Variants in PTPRN2 observed in about 807,000 individuals in gnomAD.
PTPRN2 encodes the protein receptor-type tyrosine-protein phosphatase N2.
Under a neutral mutation model 118.8 loss-of-function variants are expected in PTPRN2, and 74 were observed. The observed-to-expected ratio is 0.62, with a 90% CI of 0.52 to 0.76. PTPRN2 has a LOEUF of 0.76. Ranked by LOEUF, PTPRN2 falls within the 30% of genes least tolerant of loss-of-function variation. The pLI is 0.00. For missense variants in PTPRN2, 1,481 were observed against 1,394.4 expected (o/e 1.06, Z -0.99); for synonymous variants, 641 against 608.0 (o/e 1.05, Z -0.80).
intron 21 of PTPRN2, among the ~76,000 whole-genome samples, chr7:157,567,911 A>T (rs1799568650): frequency 6.6e-6 from 1 of 151,780 alleles, no homozygotes; most frequent in South Asian, 2.1e-4. Flanking sequence ...ACTCCTTGGG[A>T]CCTCTCCATG....
chr7:157,828,272 G>A (rs1280205323), intron 12 of PTPRN2, among the ~76,000 whole-genome samples: 1 of 152,216 alleles, frequency 6.6e-6, no homozygotes, highest in African/African-American at 2.4e-5. Flanking sequence ...GCTGTAGGCT[G>A]TAGACAGACT....
chr7:157,896,077 G>A (rs1176700178), intron 12 of PTPRN2, among the ~76,000 whole-genome samples: 23 of 142,852 alleles, frequency 1.6e-4, no homozygotes, highest in Admixed American at 2.8e-4. Context: ...GGTGCCCAGG[G>A]GAGGACGGGA....
At chr7:157,561,555 G>A (rs1799193516) in intron 21 of PTPRN2, among the ~76,000 whole-genome samples, 2 of 152,218 alleles carry the variant, frequency 1.3e-5, no homozygotes, top group African/African-American at 4.8e-5. Flanking sequence ...AGACTGAGCA[G>A]GGTTCTGCAT....
chr7:157,735,757 C>T (rs1042886139), intron 12 of PTPRN2, among the ~76,000 whole-genome samples: 3 of 152,134 alleles, frequency 2.0e-5, no homozygotes, highest in Non-Finnish European at 2.9e-5. Context: ...GGAGACGCTC[C>T]GCAAATGTGG....
intron 12 of PTPRN2, among the ~76,000 whole-genome samples, chr7:157,760,287 G>A (rs965258712): frequency 6.6e-6 from 1 of 152,024 alleles, no homozygotes; most frequent in Non-Finnish European, 1.5e-5. Context: ...GCTCCCAGGA[G>A]TGTGACCCAG....
chr7:158,400,578 CA>C (rs1812858971), intron 2 of PTPRN2, among the ~76,000 whole-genome samples: 1 of 152,190 alleles, frequency 6.6e-6, no homozygotes, highest in Admixed American at 6.5e-5. Flanking sequence ...AACAAGAACA[CA>C]AGATGCGCTT....
intron 9 of PTPRN2, among the ~76,000 whole-genome samples, chr7:158,112,494 G>A (rs1192686546): frequency 6.6e-6 from 1 of 152,226 alleles, no homozygotes; most frequent in Non-Finnish European, 1.5e-5. Flanking sequence ...GGCCACCACG[G>A]CTGTCCGGTG....
intron 2 of PTPRN2, among the ~76,000 whole-genome samples, chr7:158,334,602 C>G (rs1229395985): frequency 9.1e-6 from 1 of 109,796 alleles, no homozygotes; most frequent in Non-Finnish European, 2.1e-5. Flanking sequence ...CACACTCTCA[C>G]CATAAGAGCC....
chr7:157,971,483 A>G (rs1802326536), intron 11 of PTPRN2, among the ~76,000 whole-genome samples: 1 of 152,108 alleles, frequency 6.6e-6, no homozygotes, highest in Admixed American at 6.5e-5. Flanking sequence ...ATCGTTATTA[A>G]TTTCTTTGGT....
intron 6 of PTPRN2, among the ~76,000 whole-genome samples, chr7:158,151,996 AC>A: frequency 6.6e-6 from 1 of 151,872 alleles, no homozygotes; most frequent in African/African-American, 2.4e-5. Context: ...ACATGGTGAA[AC>A]CCCGTCTCTA....
chr7:158,441,094 TAG>T (rs1563295842), intron 2 of PTPRN2, among the ~76,000 whole-genome samples: 9 of 144,308 alleles, frequency 6.2e-5, no homozygotes, highest in African/African-American at 2.2e-4. Context: ...GTGGTAGTGA[TAG>T]GGGTGGTAGT....
chr7:158,155,559 T>TCAC (rs1563529059), intron 6 of PTPRN2, among the ~76,000 whole-genome samples: 1 of 14,684 alleles, frequency 6.8e-5, no homozygotes, highest in African/African-American at 2.7e-4. Flanking sequence ...AACACCATCA[T>TCAC]CATCATTGCC....
intron 11 of PTPRN2, among the ~76,000 whole-genome samples, chr7:157,989,010 C>T (rs572756267): frequency 3.6e-4 from 55 of 152,330 alleles, no homozygotes; most frequent in African/African-American, 1.3e-3. Context: ...GAACTCCTAC[C>T]GCTATAACAC....
chr7:158,427,865 CCG>C (rs776338130), intron 2 of PTPRN2, among the ~76,000 whole-genome samples: 6 of 20,604 alleles, frequency 2.9e-4, no homozygotes, highest in African/African-American at 6.0e-4. Context: ...GACCCAGAGT[CCG>C]AGTCCAGCCT....
intron 1 of PTPRN2, among the ~76,000 whole-genome samples, chr7:158,493,205 G>A (rs1016989171): frequency 2.0e-5 from 3 of 152,216 alleles, no homozygotes; most frequent in Non-Finnish European, 2.9e-5. Flanking sequence ...ACAGAGACAA[G>A]CACATCCAGT....
intron 11 of PTPRN2, among the ~76,000 whole-genome samples, chr7:157,899,806 C>T (rs796486791): frequency 7.2e-5 from 11 of 152,286 alleles, no homozygotes; most frequent in African/African-American, 2.2e-4. Context: ...TTACCTACTG[C>T]GCTGAAAGAA....
chr7:158,568,090 T>C (rs982230708), intron 1 of PTPRN2, among the ~76,000 whole-genome samples: 3 of 152,116 alleles, frequency 2.0e-5, no homozygotes, highest in African/African-American at 4.8e-5. Context: ...TCGTATCTAC[T>C]AAAAATATAA....
chr7:158,080,694 T>C (rs1812754127), intron 11 of PTPRN2, among the ~76,000 whole-genome samples: 1 of 152,208 alleles, frequency 6.6e-6, no homozygotes, highest in Non-Finnish European at 1.5e-5. Flanking sequence ...TGACAATTAT[T>C]AATCATATAA....
At chr7:157,700,120 G>A (rs7811860) in intron 12 of PTPRN2, among the ~76,000 whole-genome samples, 22,566 of 152,144 alleles carry the variant, frequency 0.15, 1,778 homozygotes, top group Admixed American at 0.2. Context: ...AAGAAAACCA[G>A]AAATCTAGTC....
Sources: allele counts gnomAD v4.1 joint callset (sites outside exome capture counted in the v4.1 genomes callset), GRCh38; gene constraint gnomAD v4.1.1; transcripts MANE v1.5; gene names NCBI Gene and HGNC (gene_info 2026-07-23, HGNC 2026-07-21).